Variants in AGK observed in about 807,000 individuals in gnomAD.
AGK encodes the protein acylglycerol kinase.
A neutral mutation model predicts 66.4 loss-of-function variants in AGK; 52 were observed. That is an observed-to-expected ratio of 0.78 (90% CI 0.63 to 0.99). The LOEUF is 0.99. Among genes scored for constraint, AGK ranks in the 50% least tolerant of loss-of-function variants. AGK has a pLI of 0.00. For missense variants in AGK, 451 were observed against 506.6 expected (o/e 0.89, Z 1.05); for synonymous variants, 182 against 181.1 (o/e 1.00, Z -0.04).
chr7:141,584,353 T>C (rs1795950390), intron 2 of AGK, among the ~76,000 whole-genome samples: 1 of 152,156 alleles, frequency 6.6e-6, no homozygotes, highest in Non-Finnish European at 1.5e-5. Context: ...ACTTTTTTTG[T>C]GATTCTTCAC....
chr7:141,557,275 A>G (rs1354551172), intron 2 of AGK, among the ~76,000 whole-genome samples: 1 of 152,244 alleles, frequency 6.6e-6, no homozygotes, highest in Non-Finnish European at 1.5e-5. Flanking sequence ...AAGTGTTGTC[A>G]AGGCCAGGCA....
intron 2 of AGK, among the ~76,000 whole-genome samples, chr7:141,591,556 C>T (rs1796120302): frequency 6.6e-6 from 1 of 152,116 alleles, no homozygotes; most frequent in South Asian, 2.1e-4. Context: ...AAAAGCAAAG[C>T]TTGCTTATTG....
intron 9 of AGK, among the ~76,000 whole-genome samples, chr7:141,632,001 G>A (rs1192384136): frequency 1.3e-5 from 2 of 152,142 alleles, no homozygotes; most frequent in African/African-American, 4.8e-5. Flanking sequence ...GGATGAGGCA[G>A]GTGGATCATC....
Position 141,593,995 on chromosome 7 carries a change from C to T in AGK, c.141+810C>T, listed in dbSNP as rs79006906. 1,261 of 152,652 alleles carry T rather than the reference C, an allele frequency of 8.3e-3. 6 individuals are homozygous for T. The highest frequency in any genetic ancestry group is 0.014 in the Non-Finnish European group (943 of 68,342). 9.5% of individuals were successfully genotyped at this position (152,652 alleles called of 1,614,324 possible). ...TAATTCCTCTCTTTAGCGATTGTTACAATAGATACTATAAATTAATTCCTC... is the reference window on the plus strand; with the variant it reads ...TAATTCCTCTCTTTAGCGATTGTTATAATAGATACTATAAATTAATTCCTC... On this transcript the variant is annotated intron_variant, in intron 3 of 15. Transcript: ENST00000649286.
In AGK at chr7:141,555,463, G is replaced by T; in HGVS notation, c.-4G>T. On this transcript the variant is annotated 5_prime_UTR_variant, in exon 2 of 16. Transcript: ENST00000649286. The surrounding 1 kb of genome is among the most constrained non-coding windows in gnomAD (Gnocchi z 4.2). ...CCTCTACTAACCTAGCAAATCTCTA[G>T]AAGATGACGGTGTTCTTTAAAACGC... The T allele has an allele frequency of 6.2e-7, 1 of 1,612,036 alleles. No individual in the cohort carries two copies. Among genetic ancestry groups the T allele is most frequent in the Non-Finnish European group, 8.5e-7 (1 of 1,178,546 alleles).
chr7:141,577,857 C>T (rs2116890445), intron 2 of AGK, among the ~76,000 whole-genome samples: 1 of 148,902 alleles, frequency 6.7e-6, no homozygotes, highest in East Asian at 2.0e-4. Flanking sequence ...CTCACTCTGT[C>T]ACCCAGGCTG....
chr7:141,612,302 G>T (rs951353986), intron 6 of AGK, among the ~76,000 whole-genome samples: 5 of 152,172 alleles, frequency 3.3e-5, no homozygotes, highest in Admixed American at 1.3e-4. Flanking sequence ...AACGTCAGAG[G>T]TTACCAGATG....
chr7:141,650,676 G>A (rs750714715), intron 14 of AGK: 41 of 985,218 alleles, frequency 4.2e-5, no homozygotes, highest in Admixed American at 1.8e-4. Context: ...CTGTATATGC[G>A]CTGGAAATTT....
chr7:141,651,518 C>T lies in AGK; in HGVS notation c.1047-7C>T, dbSNP rs1432488239. ...GGTCTTAAGCTTGCTTTTTCCTGTG[C>T]TCACAGAAGTCGAAAGGTGAGAAAC... On this transcript the variant is annotated splice_region_variant and splice_polypyrimidine_tract_variant and intron_variant, in intron 14 of 15. Coordinates refer to ENST00000649286, the MANE Select transcript of AGK (RefSeq NM_018238.4). 4 of 1,614,026 alleles carry T rather than the reference C, an allele frequency of 2.5e-6. No homozygotes were observed. The highest frequency in any genetic ancestry group is 1.7e-6 in the Non-Finnish European group (2 of 1,179,998).
At chr7:141,609,256 A>G (rs1796527138) in intron 5 of AGK, among the ~76,000 whole-genome samples, 2 of 152,150 alleles carry the variant, frequency 1.3e-5, no homozygotes, top group Admixed American at 1.3e-4. Context: ...GCCTGGAGTT[A>G]GTGCAGACTC....
intron 5 of AGK, among the ~76,000 whole-genome samples, chr7:141,604,372 G>GTATATATATATATA (rs1436838520): frequency 1.7e-5 from 1 of 58,404 alleles, no homozygotes; most frequent in African/African-American, 7.1e-5. Context: ...GTGTGTGTGT[G>GTATATATATATATA]TGTATATATA....
At chr7:141,585,098 A>G (rs1200843795) in intron 2 of AGK, among the ~76,000 whole-genome samples, 1 of 152,204 alleles carries the variant, frequency 6.6e-6, no homozygotes, top group Non-Finnish European at 1.5e-5. Flanking sequence ...AAAAATCATT[A>G]ACATTTTCAT....
At chr7:141,577,597 T>C (rs1442708722) in intron 2 of AGK, among the ~76,000 whole-genome samples, 2 of 152,140 alleles carry the variant, frequency 1.3e-5, no homozygotes, top group Non-Finnish European at 2.9e-5. Context: ...CCTGCTACCA[T>C]AGCCTTCCTG....
intron 9 of AGK, among the ~76,000 whole-genome samples, chr7:141,631,598 C>T (rs1462440560): frequency 1.3e-5 from 2 of 152,142 alleles, no homozygotes; most frequent in Admixed American, 1.3e-4. Flanking sequence ...TTCTTCTTGC[C>T]TCTGTTCTTA....
intron 5 of AGK, among the ~76,000 whole-genome samples, chr7:141,610,722 A>G (rs1258545526): frequency 6.6e-6 from 1 of 152,204 alleles, no homozygotes; most frequent in Non-Finnish European, 1.5e-5. Flanking sequence ...AATTTCAGTG[A>G]TGAGGAAATT....
chr7:141,583,327 A>G (rs1368819193), intron 2 of AGK, among the ~76,000 whole-genome samples: 1 of 151,530 alleles, frequency 6.6e-6, no homozygotes, highest in Non-Finnish European at 1.5e-5. Flanking sequence ...AAGCCTAGAG[A>G]AAAGAGATGG....
intron 1 of AGK, among the ~76,000 whole-genome samples, chr7:141,552,223 A>G (rs1795107530): frequency 6.6e-6 from 1 of 152,114 alleles, no homozygotes. Context: ...CTTCCAGTTC[A>G]TTTTTCATTC....
intron 11 of AGK, among the ~76,000 whole-genome samples, 199 bp downstream of exon 11, chr7:141,637,216 C>A (rs139092254): frequency 6.6e-6 from 1 of 152,244 alleles, no homozygotes; most frequent in East Asian, 1.9e-4. Flanking sequence ...TCTACCAATT[C>A]ATTCCCTCTA....
intron 13 of AGK, among the ~76,000 whole-genome samples, chr7:141,646,986 C>G (rs1797426249): frequency 6.6e-6 from 1 of 152,146 alleles, no homozygotes; most frequent in Middle Eastern, 3.2e-3. Context: ...CTTTTCCTCC[C>G]CTTGTATGCT....
Sources: gnomAD v4.1 joint callset for allele counts (sites outside exome capture counted in the v4.1 genomes callset) on GRCh38, gnomAD v4.1.1 for gene constraint, Gnocchi (gnomAD v3.1) non-coding constraint, MANE v1.5 for transcripts, NCBI Gene and HGNC (gene_info 2026-07-23, HGNC 2026-07-21) for gene names.